Variants in DUS2 observed in about 807,000 individuals in gnomAD.
DUS2 encodes dihydrouridine synthase 2, also known as tRNA-dihydrouridine(20) synthase [NAD(P)+]-like.
Under a neutral mutation model 71.3 loss-of-function variants are expected in DUS2, and 52 were observed. The observed-to-expected ratio is 0.73, with a 90% CI of 0.58 to 0.92. The LOEUF (loss-of-function observed/expected upper bound fraction) is 0.92, where lower values mean the gene tolerates loss of function less well. DUS2 is among the 40% of genes least tolerant of loss of function. The probability of loss-of-function intolerance (pLI) is 0.00; values close to 1 mark genes in which losing one functional copy is unlikely to be tolerated. For synonymous variants in DUS2, 204 were observed against 227.8 expected (o/e 0.90, Z 0.94); for missense variants, 558 against 622.6 (o/e 0.90, Z 1.10).
At chr16:68,076,214 G>A (rs2034154042) in intron 14 of DUS2, among the ~76,000 whole-genome samples, 1 of 152,136 alleles carries the variant, frequency 6.6e-6, no homozygotes, top group Admixed American at 6.5e-5. Context: ...CATGACACTT[G>A]GCAGGCGGAA....
chr16:68,073,467 G>A (rs1007410440), intron 12 of DUS2, among the ~76,000 whole-genome samples: 1 of 72,150 alleles, frequency 1.4e-5, no homozygotes, highest in African/African-American at 6.2e-5. Context: ...TTTTTTTTTT[G>A]AGACAGAGTT....
chr16:68,029,745 C>T (rs2033410887), intron 2 of DUS2, among the ~76,000 whole-genome samples: 2 of 152,032 alleles, frequency 1.3e-5, no homozygotes, highest in Non-Finnish European at 2.9e-5. Context: ...CTGGACCCAG[C>T]CACATGTTCA....
intron 2 of DUS2, among the ~76,000 whole-genome samples, chr16:68,036,238 G>A (rs1002110727): frequency 2.0e-5 from 3 of 150,880 alleles, no homozygotes; most frequent in Non-Finnish European, 4.4e-5. Flanking sequence ...TCGACTCACT[G>A]CAATCTTCCG....
rs397723152 is a variant in DUS2 at position 68,026,875 on chromosome 16, G to GAAAAAAAAA, written c.-19+1394_-19+1402dup. The GAAAAAAAAA allele has an allele frequency of 2.2e-3, 139 of 63,682 alleles. 2 individuals carry two copies. The highest frequency in any genetic ancestry group is 7.8e-3 in the African/African-American group (131 of 16,722). 3.9% of individuals were successfully genotyped at this position (63,682 alleles called of 1,614,324 possible). A position where few individuals can be genotyped will look rare whatever the true frequency, so the allele number is the denominator to read the frequency against. ...TGGGTGATAGAGCAAGAGTCTATCTGAAAAAAAAAAAAAAAAAAAAAGCAC... is the reference window on the plus strand; with the variant it reads ...TGGGTGATAGAGCAAGAGTCTATCTGAAAAAAAAAAAAAAAAAAAAAAAAAAAAAAGCAC... On this transcript the variant is annotated intron_variant, in intron 2 of 16. Transcript: ENST00000565263.
intron 7 of DUS2, among the ~76,000 whole-genome samples, chr16:68,058,006 G>C (rs1351258585): frequency 6.6e-6 from 1 of 152,066 alleles, no homozygotes; most frequent in Non-Finnish European, 1.5e-5. Context: ...AATTTGATAG[G>C]GAAATATTGT....
chr16:68,078,635 A>G, intron 16 of DUS2, 114 bp from the exon 17 acceptor site: 3 of 1,485,066 alleles, frequency 2.0e-6, no homozygotes, highest in Non-Finnish European at 2.8e-6. Flanking sequence ...GGGCAGTGGC[A>G]TCCCTGGATG....
chr16:68,066,798 A>G (rs1253673374), intron 10 of DUS2, among the ~76,000 whole-genome samples, 162 bp downstream of exon 10: 16 of 152,190 alleles, frequency 1.1e-4, no homozygotes, highest in Admixed American at 1.0e-3. Context: ...GAGGGCAGGC[A>G]GACCCTGAAT....
intron 8 of DUS2, among the ~76,000 whole-genome samples, chr16:68,062,790 C>T (rs1042835233): frequency 8.6e-5 from 13 of 151,010 alleles, no homozygotes; most frequent in African/African-American, 2.9e-4. Context: ...GAACTATAGT[C>T]TCTTCTGACT....
chr16:68,050,488 A>G (rs1012998437), intron 4 of DUS2, among the ~76,000 whole-genome samples: 18 of 152,340 alleles, frequency 1.2e-4, no homozygotes, highest in African/African-American at 4.3e-4. Context: ...ATTCAATATT[A>G]TAGATCTGTG....
Position 68,068,954 on chromosome 16 carries a change from G to A in DUS2, c.555-1180G>A, listed in dbSNP as rs73604375. Among the ~76,000 whole-genome samples, 738 of 152,044 alleles carry A rather than the reference G, an allele frequency of 4.9e-3. 8 individuals are homozygous for A. Among genetic ancestry groups the A allele is most frequent in the African/African-American group, 0.017 (698 of 41,442 alleles). On this transcript the variant is annotated intron_variant, in intron 10 of 16. Coordinates refer to ENST00000565263, the MANE Select transcript of DUS2 (RefSeq NM_017803.5). The stretch of plus-strand genomic sequence containing the variant: ...TTTTTACCCGTAGTTGGGAACACTC[G>A]GAAGACAGATGTGGGTGAGTTTGAA...
Position 68,079,198 on chromosome 16 carries a change from T to G in DUS2, c.*212T>G, listed in dbSNP as rs935274540. The G allele has an allele frequency of 1.3e-5, 6 of 445,380 alleles. No individual in the cohort carries two copies. The Admixed American group carries it at 2.3e-4, about 17-fold the overall frequency. The allele number at this position is 445,380 out of a possible 1,614,324, so 27.6% of individuals were successfully genotyped here. A position where few individuals can be genotyped will look rare whatever the true frequency, so the allele number is the denominator to read the frequency against. On this transcript the variant is annotated 3_prime_UTR_variant, in exon 17 of 17. Coordinates refer to ENST00000565263, the MANE Select transcript of DUS2 (RefSeq NM_017803.5). ...GGTGGATCTGAGTGACAGGGTCAAG[T>G]TCTCTTTGAAAACAGGAGCTTTTCA...
At chr16:68,023,899 A>AC (rs2033299468) in intron 1 of DUS2, 1 of 167,060 alleles carries the variant, frequency 6.0e-6, no homozygotes, top group Non-Finnish European at 1.5e-5. Flanking sequence ...CTCATCCAGA[A>AC]CCCACCCCTC....
At chr16:68,071,334 T>G (rs2034084252) in intron 12 of DUS2, among the ~76,000 whole-genome samples, 1 of 152,202 alleles carries the variant, frequency 6.6e-6, no homozygotes, top group African/African-American at 2.4e-5. Context: ...TCCTAAAGCT[T>G]CCAGAGGTTT....
At position 68,037,837 on chromosome 16, in the gene DUS2, A is replaced by G. The variant is rs1360973284; in HGVS notation, c.-18-169A>G. 9.7e-6 allele frequency: 6 copies of G among 620,528 alleles called. No homozygotes were observed. In the African/African-American group the frequency reaches 1.1e-4, roughly 12 times the overall value. The allele number at this position is 620,528 out of a possible 1,614,324, so 38.4% of individuals were successfully genotyped here. ...ACTACACTGCACTCCAGCCTGGGTG[A>G]CAAAGCAAGACTGTCTCAAAAACAA... On this transcript the variant is annotated intron_variant, in intron 2 of 16. Coordinates refer to ENST00000565263, the MANE Select transcript of DUS2 (RefSeq NM_017803.5).
rs559023308 is a variant in DUS2, at chr16:68,066,243, G to A, written c.418-74G>A. 17 of 1,338,512 alleles carry A rather than the reference G, an allele frequency of 1.3e-5. No homozygotes were observed. The African/African-American group carries it at 1.4e-4, about 11-fold the overall frequency. The allele number at this position is 1,338,512 out of a possible 1,614,324, so 82.9% of individuals were successfully genotyped here. ...GCCACCGGAATGCACAGCCTGTAGC[G>A]GAGTTAATTAGTACAGGCAGAGTGA... is the stretch of plus-strand genomic sequence containing the variant. On this transcript the variant is annotated intron_variant, in intron 8 of 16. Coordinates refer to ENST00000565263, the MANE Select transcript of DUS2 (RefSeq NM_017803.5).
At chr16:68,078,712 A>ACCCTGCC (rs1435824362) in intron 16 of DUS2, 37 bp from the exon 17 acceptor site, 1 of 1,579,250 alleles carries the variant, frequency 6.3e-7, no homozygotes. Flanking sequence ...ATAGCCCTGC[A>ACCCTGCC]CCCTGCCCCT....
At chr16:68,063,554 A>G (rs2033968701) in intron 8 of DUS2, among the ~76,000 whole-genome samples, 1 of 152,132 alleles carries the variant, frequency 6.6e-6, no homozygotes, top group South Asian at 2.1e-4. Flanking sequence ...TGTTATATAT[A>G]TTTTACCCCA....
At chr16:68,063,656 C>G (rs565526461) in intron 8 of DUS2, among the ~76,000 whole-genome samples, 1 of 152,268 alleles carries the variant, frequency 6.6e-6, no homozygotes, top group East Asian at 1.9e-4. Flanking sequence ...TTTGAGAAAG[C>G]TTCTACCAGG....
At chr16:68,047,811 C>A (rs752489273) in intron 3 of DUS2, among the ~76,000 whole-genome samples, 177 of 146,194 alleles carry the variant, frequency 1.2e-3, no homozygotes, top group Non-Finnish European at 2.3e-3. Context: ...AGACAGGTGT[C>A]ACTCTGTTGC....
Sources: gnomAD v4.1 joint callset for allele counts (sites outside exome capture counted in the v4.1 genomes callset) on GRCh38, gnomAD v4.1.1 for gene constraint, MANE v1.5 for transcripts, NCBI Gene and HGNC (gene_info 2026-07-23, HGNC 2026-07-21) for gene names.